The following PCDHGA7 variants were observed in gnomAD, a reference collection of about 807,000 sequenced individuals.
The protein encoded by PCDHGA7 is protocadherin gamma-A7.
Under a neutral mutation model 58.3 loss-of-function variants are expected in PCDHGA7, and 44 were observed. The ratio of observed to expected loss-of-function variants is 0.75; its 90% CI spans 0.59 to 0.97. The LOEUF (loss-of-function observed/expected upper bound fraction) is 0.97. Among genes scored for constraint, PCDHGA7 ranks in the 50% least tolerant of loss-of-function variants. The probability of loss-of-function intolerance (pLI) is 0.00; values close to 1 mark genes in which losing one functional copy is unlikely to be tolerated. For missense variants in PCDHGA7, 1,266 were observed against 1,188.7 expected (o/e 1.06, Z -0.96); for synonymous variants, 516 against 504.2 (o/e 1.02, Z -0.31).
intron 1 of PCDHGA7, among the ~76,000 whole-genome samples, chr5:141,454,701 C>G (rs1182969868): frequency 6.6e-6 from 1 of 151,760 alleles, no homozygotes; most frequent in Non-Finnish European, 1.5e-5. Context: ...CCACCATGCT[C>G]CACCTGCTTA....
intron 1 of PCDHGA7, chr5:141,411,305 C>T (rs1317785609): frequency 6.6e-6 from 1 of 152,176 alleles, no homozygotes; most frequent in Non-Finnish European, 1.5e-5. Context: ...CCCAGTGGCT[C>T]ACACCTATAA....
At chr5:141,422,032 G>A in intron 1 of PCDHGA7, 1 of 1,611,280 alleles carries the variant, frequency 6.2e-7, no homozygotes, top group Non-Finnish European at 8.5e-7. Context: ...TAATGCAACG[G>A]ATCCAGACGA....
At chr5:141,387,135 T>C (rs2090834693) in intron 1 of PCDHGA7, among the ~76,000 whole-genome samples, 1 of 152,208 alleles carries the variant, frequency 6.6e-6, no homozygotes, top group African/African-American at 2.4e-5. Context: ...ACTGAAACTA[T>C]TGGGAAGGGG....
rs1016254258 is a variant in PCDHGA7 at position 141,489,870 on chromosome 5, G to C, written c.2425-4937G>C. ...GTGAAGCCCAGGCAAGACATCAGCT[G>C]GTGCTTACTGCTGTGGATGGGGGGA... On this transcript the variant is annotated intron_variant, in intron 1 of 3. Transcript: ENST00000518325. The surrounding 1 kb of genome is among the most constrained non-coding windows in gnomAD (Gnocchi z 4.5). The C allele has an allele frequency of 2.0e-5, 32 of 1,614,102 alleles. No homozygotes were observed. Among genetic ancestry groups the C allele is most frequent in the African/African-American group, 4.0e-5 (3 of 74,944 alleles).
chr5:141,491,567 C>T lies in PCDHGA7; in HGVS notation c.2425-3240C>T, dbSNP rs2099721325. On this transcript the variant is annotated intron_variant, in intron 1 of 3. Transcript: ENST00000518325. The surrounding 1 kb of genome is among the most constrained non-coding windows in gnomAD (Gnocchi z 6.9). ...GACTCGCAGAGCCACTGCTACAGGACGTGCTTTTCACCGGCCTCGGACGGC... is the reference window on the plus strand; with the variant it reads ...GACTCGCAGAGCCACTGCTACAGGATGTGCTTTTCACCGGCCTCGGACGGC... 1.9e-6 allele frequency: 3 copies of T among 1,614,004 alleles called. No individual in the cohort carries two copies. The highest frequency in any genetic ancestry group is 2.5e-6 in the Non-Finnish European group (3 of 1,180,034).
chr5:141,431,032 C>T lies in PCDHGA7; in HGVS notation c.2424+45709C>T. 1 of 1,614,008 alleles carries T rather than the reference C, an allele frequency of 6.2e-7. No individual in the cohort carries two copies. The highest frequency in any genetic ancestry group is 2.2e-5 in the East Asian group (1 of 44,848). On this transcript the variant is annotated intron_variant, in intron 1 of 3. Transcript: ENST00000518325. This position sits in a 1 kb window ranked among gnomAD's most constrained non-coding sequence, Gnocchi z 4.8. ...GCTTGGTCACGGCGGGCAGGATAGA[C>T]CGGGAGGAGCTCTGTATGGGGGCCA...
At chr5:141,463,165 C>G (rs1042153238) in intron 1 of PCDHGA7, among the ~76,000 whole-genome samples, 1 of 152,148 alleles carries the variant, frequency 6.6e-6, no homozygotes, top group Non-Finnish European at 1.5e-5. Context: ...TCAGTGCACT[C>G]TATGTATGCT....
rs747633858 is a variant in PCDHGA7, at chr5:141,491,133, C to T, written c.2425-3674C>T. 6.2e-6 allele frequency: 10 copies of T among 1,614,158 alleles called. No homozygotes were observed. In the South Asian group the frequency reaches 9.9e-5, roughly 16 times the overall value. The stretch of plus-strand genomic sequence containing the variant: ...CACACACTGGTGAGGTGCGCACAGC[C>T]CGGGCCTTACTGGAGGATGACTCTG... On this transcript the variant is annotated intron_variant, in intron 1 of 3. Transcript: ENST00000518325. The surrounding 1 kb of genome is among the most constrained non-coding windows in gnomAD (Gnocchi z 6.9).
In PCDHGA7 at chr5:141,398,940, G is replaced by C. The variant is rs781438773; in HGVS notation, c.2424+13617G>C. 6.2e-7 allele frequency: 1 copy of C among 1,613,944 alleles called. No individual in the cohort carries two copies. Among genetic ancestry groups the C allele is most frequent in the Middle Eastern group, 1.7e-4 (1 of 6,060 alleles). ...AAGTGTCAGCCACTGACCAAGACGAGGGCATCAACTCAGAAATTACTTATT... is the reference window on the plus strand; with the variant it reads ...AAGTGTCAGCCACTGACCAAGACGACGGCATCAACTCAGAAATTACTTATT... On this transcript the variant is annotated intron_variant, in intron 1 of 3. Transcript: ENST00000518325.
At chr5:141,425,447 A>G (rs549575207) in intron 1 of PCDHGA7, among the ~76,000 whole-genome samples, 5 of 152,318 alleles carry the variant, frequency 3.3e-5, no homozygotes, top group African/African-American at 1.2e-4. Flanking sequence ...AAAATAAAAC[A>G]CCATCACATT....
intron 1 of PCDHGA7, among the ~76,000 whole-genome samples, chr5:141,457,517 TTAA>T (rs1261688593): frequency 6.6e-6 from 1 of 152,196 alleles, no homozygotes; most frequent in Non-Finnish European, 1.5e-5. Flanking sequence ...TTAAAAACAA[TTAA>T]TGAGACTAGG....
At chr5:141,395,170 AGAAAAATGATTCTT>A in intron 1 of PCDHGA7, 1 of 1,614,214 alleles carries the variant, frequency 6.2e-7, no homozygotes, top group Non-Finnish European at 8.5e-7. Flanking sequence ...GAGGGCTGTG[AGAAAAATGATTCTT>A]TGTTAACATC....
intron 1 of PCDHGA7, 97 bp from the exon 2 acceptor site, chr5:141,494,710 C>G: frequency 6.2e-7 from 1 of 1,600,966 alleles, no homozygotes; most frequent in Admixed American, 1.7e-5. Context: ...TCTCTGTGCC[C>G]ACTCCCCTCC....
intron 1 of PCDHGA7, chr5:141,411,213 CTATT>C (rs1479996814): frequency 1.3e-5 from 2 of 152,186 alleles, no homozygotes; most frequent in African/African-American, 2.4e-5. Context: ...AGTAACCTAT[CTATT>C]CAAATTTGCG....
At chr5:141,505,666 G>T (rs904221281) in intron 3 of PCDHGA7, among the ~76,000 whole-genome samples, 185 bp downstream of exon 3, 3 of 152,180 alleles carry the variant, frequency 2.0e-5, no homozygotes, top group Non-Finnish European at 4.4e-5. Context: ...ACAGCAGAGG[G>T]GTTGGGGGTC....
intron 2 of PCDHGA7, among the ~76,000 whole-genome samples, chr5:141,497,126 C>T (rs565697662): frequency 8.2e-4 from 125 of 151,844 alleles, no homozygotes; most frequent in African/African-American, 3.0e-3. Flanking sequence ...GCAGAGGTTG[C>T]AGTGAGCTGA....
Position 141,414,407 on chromosome 5 carries a change from A to T in PCDHGA7, c.2424+29084A>T, listed in dbSNP as rs181582338. On this transcript the variant is annotated intron_variant, in intron 1 of 3. Transcript: ENST00000518325. ...GACAGTTATTACAGATTGGTGATACACAGAGCCCTTGACAGGGAACAGGTA... is the reference window on the plus strand; with the variant it reads ...GACAGTTATTACAGATTGGTGATACTCAGAGCCCTTGACAGGGAACAGGTA... 96 of 1,613,912 alleles carry T rather than the reference A, an allele frequency of 5.9e-5. No individual in the cohort carries two copies. In the East Asian group the frequency reaches 1.5e-3, roughly 25 times the overall value.
At chr5:141,389,466 C>T (rs760000487) in intron 1 of PCDHGA7, 1 of 1,613,330 alleles carries the variant, frequency 6.2e-7, no homozygotes, top group East Asian at 2.2e-5. Flanking sequence ...CGCCTTCGAA[C>T]TCACACTGCA....
Position 141,383,995 on chromosome 5 carries a change from A to G in PCDHGA7, c.1096A>G (p.Ile366Val). The change falls in exon 1 of 4, where the codon ATT becomes GTT. Residue 366 changes from isoleucine to valine, a missense_variant. By Grantham distance (29) the Ile-to-Val change is conservative (BLOSUM62 3). Coordinates refer to ENST00000518325, the MANE Select transcript of PCDHGA7 (RefSeq NM_018920.4). ...TGAAGACACACCTCTTGGGACAGTC[A>G]TTGCTCTTTTCTACCTACAAGACAG... Reference protein sequence around the residue: ...IPEDTPLGTVIALFYLQDRDS... With the variant: ...IPEDTPLGTVVALFYLQDRDS... 6.2e-7 allele frequency: 1 copy of G among 1,613,890 alleles called. No homozygotes were observed. The highest frequency in any genetic ancestry group is 2.2e-5 in the East Asian group (1 of 44,886).
Sources: allele counts gnomAD v4.1 joint callset (sites outside exome capture counted in the v4.1 genomes callset), GRCh38; gene constraint gnomAD v4.1.1; non-coding constraint Gnocchi (gnomAD v3.1); transcripts MANE v1.5; gene names NCBI Gene and HGNC (gene_info 2026-07-23, HGNC 2026-07-21).